The following RBM6 variants were observed in gnomAD, a reference collection of about 807,000 sequenced individuals.
RBM6 encodes the protein RNA binding motif protein 6, also known as RNA-binding protein 6.
Under a neutral mutation model 140.4 loss-of-function variants are expected in RBM6, and 23 were observed. The ratio of observed to expected loss-of-function variants is 0.16; its 90% CI spans 0.12 to 0.23. The LOEUF is 0.23. Among genes scored for constraint, RBM6 ranks in the 10% least tolerant of loss-of-function variants. The pLI is 1.00. For missense variants in RBM6, 1,139 were observed against 1,386.7 expected, an observed-to-expected ratio of 0.82 and a Z score of 2.84; for synonymous variants, 439 against 475.6, an observed-to-expected ratio of 0.92 and a Z score of 1.00.
intron 16 of RBM6, 54 bp downstream of exon 16, chr3:50,065,180 A>G (rs2090081283): frequency 2.1e-6 from 3 of 1,415,626 alleles, no homozygotes; most frequent in Admixed American, 2.1e-5. Context: ...GATGGTTCCG[A>G]GTAGAAGAGG....
At chr3:49,998,267 T>C (rs1490009808) in intron 5 of RBM6, among the ~76,000 whole-genome samples, 2 of 152,244 alleles carry the variant, frequency 1.3e-5, no homozygotes. Flanking sequence ...TGTTGATCTT[T>C]GATATTGATG....
intron 7 of RBM6, among the ~76,000 whole-genome samples, chr3:50,050,104 C>T (rs1392658660): frequency 2.0e-5 from 3 of 151,960 alleles, no homozygotes; most frequent in African/African-American, 7.3e-5. Context: ...TGTGCTCAAG[C>T]GATCCTCTCA....
At chr3:49,999,618 T>C (rs562262158) in intron 6 of RBM6, 105 bp downstream of exon 6, 2 of 971,364 alleles carry the variant, frequency 2.1e-6, no homozygotes, top group Middle Eastern at 2.1e-4. Context: ...AAGAAGTCTA[T>C]CTGTGGAGCA....
intron 20 of RBM6, among the ~76,000 whole-genome samples, 200 bp from the exon 21 acceptor site, chr3:50,076,808 C>A (rs1193196343): frequency 1.3e-5 from 2 of 151,890 alleles, no homozygotes; most frequent in South Asian, 4.2e-4. Flanking sequence ...TTGCTTGAAC[C>A]GGGGAGGCAG....
intron 6 of RBM6, among the ~76,000 whole-genome samples, chr3:50,020,869 A>G (rs1412042404): frequency 6.6e-6 from 1 of 152,202 alleles, no homozygotes; most frequent in Non-Finnish European, 1.5e-5. Flanking sequence ...ACCATCATAT[A>G]TGCAAGCCCA....
At chr3:49,980,592 G>A (rs2085262826) in intron 5 of RBM6, among the ~76,000 whole-genome samples, 1 of 151,184 alleles carries the variant, frequency 6.6e-6, no homozygotes, top group African/African-American at 2.4e-5. Flanking sequence ...AACGAAACCT[G>A]TCTACTAAAA....
At chr3:49,960,345 CT>C (rs2084227826) in intron 1 of RBM6, among the ~76,000 whole-genome samples, 1 of 152,120 alleles carries the variant, frequency 6.6e-6, no homozygotes, top group South Asian at 2.1e-4. Flanking sequence ...TGGATATTTG[CT>C]TGTAAACCTT....
chr3:50,007,151 G>A (rs1021773085), intron 6 of RBM6, among the ~76,000 whole-genome samples: 1 of 151,096 alleles, frequency 6.6e-6, no homozygotes, highest in African/African-American at 2.4e-5. Context: ...TGATTGATAC[G>A]GATTATCAGG....
At position 49,972,128 on chromosome 3, in the gene RBM6, G is replaced by A. The variant is rs777371769; in HGVS notation, c.1393G>A (p.Glu465Lys). 8.7e-6 allele frequency: 14 copies of A among 1,612,310 alleles called. No individual in the cohort carries two copies. Among genetic ancestry groups the A allele is most frequent in the Admixed American group, 8.3e-5 (5 of 59,950 alleles). Residue 465 changes from glutamate (E) to lysine (K), a missense_variant, in exon 4 of 21, where the codon GAA becomes AAA. This residue lies in a region of RBM6 where 566 missense variants were observed against 612.7 expected (regional missense o/e 0.92). Transcript: ENST00000266022. ...SRLIRLSGVP[E>K]DATKEEILNA... ...GCTTATTCGATTAAGTGGGGTACCTGAAGATGCCACAAAAGAAGAGGTAAG... is the reference window on the plus strand; with the variant it reads ...GCTTATTCGATTAAGTGGGGTACCTAAAGATGCCACAAAAGAAGAGGTAAG...
chr3:50,040,791 G>C (rs904842225), intron 6 of RBM6, among the ~76,000 whole-genome samples: 1 of 151,800 alleles, frequency 6.6e-6, no homozygotes, highest in African/African-American at 2.4e-5. Flanking sequence ...GGAGTAGTTA[G>C]GATAACAGGC....
rs869272546 is a variant in RBM6, at chr3:49,955,160, C to CTTTTTTTTTTTTTTTTTTTTTTTTTT, written c.-66-7392_-66-7391insTTTTTTTTTTTTTTTTTTTTTTTTTT. Among the ~76,000 whole-genome samples, 18 of 72,706 alleles carry CTTTTTTTTTTTTTTTTTTTTTTTTTT rather than the reference C, an allele frequency of 2.5e-4. 2 individuals carry two copies. Among genetic ancestry groups the CTTTTTTTTTTTTTTTTTTTTTTTTTT allele is most frequent in the Non-Finnish European group, 3.3e-4 (14 of 42,820 alleles). The allele number at this position is 72,706 out of a possible 152,430, so 47.7% of individuals were successfully genotyped here. On this transcript the variant is annotated intron_variant, in intron 1 of 20. Coordinates refer to ENST00000266022, the MANE Select transcript of RBM6 (RefSeq NM_005777.3). ...GGCCGCATAGTATTTTTTTTTCTTT[C>CTTTTTTTTTTTTTTTTTTTTTTTTTT]TTTTTTTTTTTTTTTTTTTTTTTTG... is the stretch of plus-strand genomic sequence containing the variant.
Position 50,066,365 on chromosome 3 carries a change from C to G in RBM6, c.2806C>G (p.Arg936Gly). The G allele has an allele frequency of 6.2e-7, 1 of 1,613,992 alleles. No individual in the cohort carries two copies. Among genetic ancestry groups the G allele is most frequent in the Non-Finnish European group, 8.5e-7 (1 of 1,180,026 alleles). The change falls in exon 17 of 21, where the codon CGA (arginine) becomes GGA (glycine). Residue 936 changes from arginine (R) to glycine (G), a missense_variant. Coordinates refer to ENST00000266022, the MANE Select transcript of RBM6 (RefSeq NM_005777.3). Reference protein sequence around the residue: ...PQPRTAQPQKREEQTKKENEE... With the variant: ...PQPRTAQPQKGEEQTKKENEE... The stretch of plus-strand genomic sequence containing the variant: ...GCCCCGCACAGCACAGCCCCAGAAG[C>G]GAGAGGAGCAAACCAAGAAGGAGAA...
intron 6 of RBM6, among the ~76,000 whole-genome samples, chr3:50,015,151 A>G (rs7642124): frequency 1 from 150,587 of 150,588 alleles, 75,293 homozygotes; most frequent in Non-Finnish European, 1. Flanking sequence ...CTGTCACCCA[A>G]GCTGGAGTGC....
chr3:49,975,062 CAT>C (rs1223909796), intron 4 of RBM6, among the ~76,000 whole-genome samples: 4 of 150,548 alleles, frequency 2.7e-5, no homozygotes, highest in African/African-American at 9.8e-5. Flanking sequence ...TTGTCTCAAA[CAT>C]GTGGCTTTAA....
intron 6 of RBM6, among the ~76,000 whole-genome samples, chr3:50,037,208 G>T (rs4688754): frequency 0.65 from 98,011 of 151,828 alleles, 32,279 homozygotes; most frequent in East Asian, 0.88. Flanking sequence ...AAGACCAGCC[G>T]GGGCATCATA....
chr3:49,944,208 G>C (rs1244811970), intron 1 of RBM6, among the ~76,000 whole-genome samples: 3 of 151,960 alleles, frequency 2.0e-5, no homozygotes, highest in Non-Finnish European at 4.4e-5. Flanking sequence ...CTATGAATTT[G>C]ACTACTCTAG....
At chr3:50,069,234 C>A (rs2090214688) in intron 18 of RBM6, among the ~76,000 whole-genome samples, 1 of 152,136 alleles carries the variant, frequency 6.6e-6, no homozygotes, top group African/African-American at 2.4e-5. Context: ...ACCTATGGGT[C>A]AGGCACGGTG....
intron 6 of RBM6, among the ~76,000 whole-genome samples, chr3:50,003,310 A>G (rs1382116796): frequency 7.6e-4 from 5 of 6,560 alleles, no homozygotes; most frequent in African/African-American, 5.2e-3. Flanking sequence ...TCTAAATTTA[A>G]AAAAAAAAAA....
chr3:49,944,849 G>A (rs1292569810), intron 1 of RBM6, among the ~76,000 whole-genome samples: 2 of 151,080 alleles, frequency 1.3e-5, no homozygotes, highest in Non-Finnish European at 1.5e-5. Flanking sequence ...AATTGACAGA[G>A]CAAATGGTAA....
Sources: gnomAD v4.1 joint callset for allele counts (sites outside exome capture counted in the v4.1 genomes callset) on GRCh38, gnomAD v4.1.1 for gene constraint, gnomAD v4.1.1 regional missense constraint, MANE v1.5 for transcripts, NCBI Gene and HGNC (gene_info 2026-07-23, HGNC 2026-07-21) for gene names.